The following PALLD variants were observed in gnomAD, a reference collection of about 807,000 sequenced individuals.
PALLD encodes palladin.
Under a neutral mutation model 123.5 loss-of-function variants are expected in PALLD, and 61 were observed. The observed-to-expected ratio is 0.49, with a 90% CI of 0.40 to 0.61. The LOEUF (loss-of-function observed/expected upper bound fraction) is 0.61. Among genes scored for constraint, PALLD ranks in the 20% least tolerant of loss-of-function variants. PALLD has a pLI of 0.00. For synonymous variants in PALLD, 465 were observed against 496.4 expected (o/e 0.94, Z 0.84); for missense variants, 1,273 against 1,377.0 (o/e 0.92, Z 1.20).
intron 2 of PALLD, among the ~76,000 whole-genome samples, chr4:168,588,959 A>G (rs1298853062): frequency 6.6e-6 from 1 of 152,204 alleles, no homozygotes; most frequent in Non-Finnish European, 1.5e-5. Flanking sequence ...TGGAAATTTC[A>G]TCTGTTCCTT....
chr4:168,904,012 T>A, intron 15 of PALLD, 106 bp downstream of exon 15: 1 of 1,150,006 alleles, frequency 8.7e-7, no homozygotes, highest in East Asian at 2.3e-5. Context: ...TTTCTTTGAT[T>A]TATGAAACTA....
chr4:168,745,712 A>T (rs1730199975), intron 10 of PALLD, among the ~76,000 whole-genome samples: 1 of 152,094 alleles, frequency 6.6e-6, no homozygotes, highest in South Asian at 2.1e-4. Flanking sequence ...TCCAGTATAG[A>T]CATAGTAAAC....
At chr4:168,848,263 G>A (rs991585215) in intron 10 of PALLD, among the ~76,000 whole-genome samples, 2 of 151,292 alleles carry the variant, frequency 1.3e-5, no homozygotes, top group African/African-American at 2.4e-5. Context: ...CAGCCACTTT[G>A]TTTTGTCCTG....
In PALLD at chr4:168,507,769, C is replaced by T. The variant is rs75367040; in HGVS notation, c.-82-3654C>T. The T allele has an allele frequency of 9.8e-3, 1,751 of 178,160 alleles. 28 individuals are homozygous for T. Among genetic ancestry groups the T allele is most frequent in the African/African-American group, 0.038 (1,594 of 42,372 alleles). The allele number at this position is 178,160 out of a possible 1,614,324, so 11.0% of individuals were successfully genotyped here. A position where few individuals can be genotyped will look rare whatever the true frequency, so the allele number is the denominator to read the frequency against. On this transcript the variant is annotated intron_variant, in intron 1 of 21. Transcript: ENST00000505667. ...TACTGACTACCCATAACATAAAATG[C>T]AAGTTCTCTGCATGGCTCCAGGCCC...
chr4:168,896,102 C>T (rs974133571), intron 12 of PALLD, among the ~76,000 whole-genome samples: 11 of 150,854 alleles, frequency 7.3e-5, no homozygotes, highest in African/African-American at 2.4e-4. Flanking sequence ...CCCAGCTACG[C>T]GGGAGGCTGA....
At chr4:168,873,801 AC>A (rs1751392851) in intron 10 of PALLD, among the ~76,000 whole-genome samples, 1 of 152,184 alleles carries the variant, frequency 6.6e-6, no homozygotes, top group Non-Finnish European at 1.5e-5. Flanking sequence ...AATGGGGATA[AC>A]CATCCCTGCC....
chr4:168,798,780 A>G (rs1487551479), intron 10 of PALLD, among the ~76,000 whole-genome samples: 2 of 152,222 alleles, frequency 1.3e-5, no homozygotes, highest in Non-Finnish European at 2.9e-5. Context: ...CTCATTTGCT[A>G]TAATACTTAA....
chr4:168,668,259 C>G lies in PALLD; in HGVS notation c.978C>G (p.Leu326=), dbSNP rs774397567. The G allele has an allele frequency of 6.2e-7, 1 of 1,614,072 alleles. No individual in the cohort carries two copies. The highest frequency in any genetic ancestry group is 1.1e-5 in the South Asian group (1 of 91,082). ...AAATCCACTGTGAGGGAGGGGACCT[C>G]CATACCCTGATCATAGCAGAGGCCT... ...DIQIHCEGGD[L]HTLIIAEAFE... is the part of the protein sequence containing the mutation. Residue 326 remains leucine (L), a synonymous_variant, in exon 3 of 22, where the codon CTC becomes CTG. Coordinates refer to ENST00000505667, the MANE Select transcript of PALLD (RefSeq NM_001166108.2).
chr4:168,499,766 G>A (rs991848595), intron 1 of PALLD, among the ~76,000 whole-genome samples: 14 of 152,012 alleles, frequency 9.2e-5, no homozygotes, highest in African/African-American at 3.4e-4. Context: ...AAATGACTAT[G>A]GGAATTTAGC....
At chr4:168,639,544 CTTTT>C (rs35142519) in intron 2 of PALLD, among the ~76,000 whole-genome samples, 2 of 141,136 alleles carry the variant, frequency 1.4e-5, no homozygotes. Context: ...GGCCATTCAA[CTTTT>C]TTTTTTTTTT....
intron 19 of PALLD, 45 bp from the exon 20 acceptor site, chr4:168,924,900 C>T (rs1435343758): frequency 1.2e-6 from 2 of 1,611,372 alleles, no homozygotes; most frequent in Non-Finnish European, 1.7e-6. Context: ...TCCAAAGCCA[C>T]TTTTAAAAAA....
chr4:168,901,873 ACTACT>A (rs1756599419), intron 14 of PALLD, among the ~76,000 whole-genome samples: 2 of 152,188 alleles, frequency 1.3e-5, no homozygotes, highest in African/African-American at 4.8e-5. Flanking sequence ...AAGAAAGTCA[ACTACT>A]AAAAAGTAAA....
At chr4:168,724,059 A>T (rs934875610) in intron 10 of PALLD, among the ~76,000 whole-genome samples, 31 of 151,818 alleles carry the variant, frequency 2.0e-4, no homozygotes, top group African/African-American at 7.5e-4. Flanking sequence ...TGCCCAGCTA[A>T]TTTTTTTGTA....
chr4:168,915,828 A>G, intron 16 of PALLD, 67 bp from the exon 17 acceptor site: 4 of 1,239,176 alleles, frequency 3.2e-6, no homozygotes, highest in Non-Finnish European at 4.8e-6. Context: ...AAGAAAACAG[A>G]TGACTAAAAG....
intron 10 of PALLD, among the ~76,000 whole-genome samples, chr4:168,795,327 A>G (rs978317811): frequency 2.0e-5 from 3 of 152,248 alleles, no homozygotes; most frequent in Non-Finnish European, 4.4e-5. Flanking sequence ...TTGAGTGGCA[A>G]TTTGAAAATG....
chr4:168,720,823 G>A (rs1785938918), intron 10 of PALLD, among the ~76,000 whole-genome samples: 1 of 152,180 alleles, frequency 6.6e-6, no homozygotes, highest in Admixed American at 6.5e-5. Flanking sequence ...AAAATGAGAA[G>A]TCCAATCAAG....
At chr4:168,907,037 C>T (rs764228886) in intron 15 of PALLD, among the ~76,000 whole-genome samples, 1 of 152,152 alleles carries the variant, frequency 6.6e-6, no homozygotes, top group Non-Finnish European at 1.5e-5. Context: ...AGCTGGAATT[C>T]TAGCTCTGCC....
intron 8 of PALLD, among the ~76,000 whole-genome samples, chr4:168,706,060 C>T (rs1038962846): frequency 7.2e-5 from 11 of 152,198 alleles, no homozygotes; most frequent in Middle Eastern, 3.4e-3. Flanking sequence ...TAAGTATACA[C>T]TACAGTATTG....
In PALLD at chr4:168,877,994, G is replaced by A. The variant is rs587780753; in HGVS notation, c.1965-12928G>A. 8 of 1,499,340 alleles carry A rather than the reference G, an allele frequency of 5.3e-6. No homozygotes were observed. The African/African-American group carries it at 7.3e-5, about 14-fold the overall frequency. 92.9% of individuals were successfully genotyped at this position (1,499,340 alleles called of 1,614,324 possible). A position where few individuals can be genotyped will look rare whatever the true frequency, so the allele number is the denominator to read the frequency against. The stretch of plus-strand genomic sequence containing the variant: ...CATCGCCGCGCAGAACCTCGGGCCC[G>A]CGTCGGGCCACGGCACGCCGGCCTC... On this transcript the variant is annotated intron_variant, in intron 10 of 21. Transcript: ENST00000505667.
Sources: gnomAD v4.1 joint callset for allele counts (sites outside exome capture counted in the v4.1 genomes callset) on GRCh38, gnomAD v4.1.1 for gene constraint, MANE v1.5 for transcripts, NCBI Gene and HGNC (gene_info 2026-07-23, HGNC 2026-07-21) for gene names.